Variants in TRABD2A observed in about 807,000 individuals in gnomAD.
TRABD2A encodes the protein TraB domain containing 2A, also known as metalloprotease TIKI1.
Under a neutral mutation model 45.6 loss-of-function variants are expected in TRABD2A, and 43 were observed. The observed-to-expected ratio is 0.94, with a 90% CI of 0.74 to 1.22. TRABD2A has a LOEUF of 1.22. Among genes scored for constraint, TRABD2A ranks in the 50% most tolerant of loss-of-function variants. TRABD2A has a pLI of 0.00. For synonymous variants in TRABD2A, 269 were observed against 265.0 expected (o/e 1.02, Z -0.15); for missense variants, 642 against 652.4 (o/e 0.98, Z 0.17).
chr2:84,843,325 A>G (rs193298625), intron 2 of TRABD2A, among the ~76,000 whole-genome samples: 7 of 152,202 alleles, frequency 4.6e-5, no homozygotes, highest in Non-Finnish European at 1.0e-4. Flanking sequence ...AAGATGTTTC[A>G]ACTCTCCAGA....
At chr2:84,847,171 C>T (rs1463607802) in intron 2 of TRABD2A, among the ~76,000 whole-genome samples, 2 of 152,210 alleles carry the variant, frequency 1.3e-5, no homozygotes, top group African/African-American at 4.8e-5. Flanking sequence ...TCTCCATGGG[C>T]ACCACAGGAG....
chr2:84,880,757 G>A (rs1683175968), intron 1 of TRABD2A, among the ~76,000 whole-genome samples, 175 bp downstream of exon 1: 1 of 152,226 alleles, frequency 6.6e-6, no homozygotes, highest in East Asian at 1.9e-4. Flanking sequence ...CCGCGGGAAA[G>A]GGGAACCCGA....
At chr2:84,840,185 A>ACTTC (rs1681660604) in intron 3 of TRABD2A, among the ~76,000 whole-genome samples, 1 of 152,210 alleles carries the variant, frequency 6.6e-6, no homozygotes, top group South Asian at 2.1e-4. Flanking sequence ...GACAGCATTA[A>ACTTC]CTTCCATCTT....
chr2:84,821,969 G>C lies in TRABD2A; in HGVS notation c.1466C>G (p.Pro489Arg). ...AGCCAGCACCAGCACCCAGAACACA[G>C]GAGTCCAGAGAGACAGGCAGGCACT... ...ASSACLSLWT[P>R]VFWVLVLAFQ... is the part of the protein sequence containing the mutation. Residue 489 changes from proline to arginine, a missense_variant, in exon 7 of 7, where the codon CCT becomes CGT. Physicochemically the swap from Pro to Arg is moderately radical, Grantham distance 103. Transcript: ENST00000409520. 6.2e-7 allele frequency: 1 copy of C among 1,605,690 alleles called. No individual in the cohort carries two copies. Among genetic ancestry groups the C allele is most frequent in the Non-Finnish European group, 8.5e-7 (1 of 1,176,240 alleles).
rs1271408755 is a variant in TRABD2A at position 84,830,981 on chromosome 2, G to C, written c.1082+1074C>G. The stretch of plus-strand genomic sequence containing the variant: ...CCAGGAGAGGGGGCTGCTGACCACA[G>C]ATCGGGAGGCAGTGGGGGCCAGAGG... On this transcript the variant is annotated intron_variant, in intron 5 of 6. Transcript: ENST00000409520. This position sits in a 1 kb window ranked among gnomAD's most constrained non-coding sequence, Gnocchi z 4.9. Among the ~76,000 whole-genome samples, 1 of 152,170 alleles carries C rather than the reference G, an allele frequency of 6.6e-6. No individual in the cohort carries two copies. The highest frequency in any genetic ancestry group is 1.5e-5 in the Non-Finnish European group (1 of 68,020).
At chr2:84,838,253 G>C (rs1369493602) in intron 4 of TRABD2A, 1 of 717,272 alleles carries the variant, frequency 1.4e-6, no homozygotes, top group Non-Finnish European at 2.6e-6. Context: ...TGGGAAAAGG[G>C]AGATAAAAAC....
intron 1 of TRABD2A, among the ~76,000 whole-genome samples, chr2:84,877,647 T>C (rs1489064644): frequency 6.6e-6 from 1 of 152,132 alleles, no homozygotes; most frequent in Admixed American, 6.5e-5. Flanking sequence ...CATGGGTGAC[T>C]GAGACACAGA....
chr2:84,856,323 T>A (rs1003787823), intron 2 of TRABD2A, among the ~76,000 whole-genome samples: 1 of 151,930 alleles, frequency 6.6e-6, no homozygotes, highest in Non-Finnish European at 1.5e-5. Context: ...CCTCCTCCCT[T>A]ACCTGAAAAG....
intron 1 of TRABD2A, among the ~76,000 whole-genome samples, chr2:84,875,633 G>C (rs1683002432): frequency 6.6e-6 from 1 of 152,212 alleles, no homozygotes; most frequent in South Asian, 2.1e-4. Flanking sequence ...ACACAAGTAG[G>C]TCAGTTAGGA....
chr2:84,840,285 T>C (rs952518295), intron 3 of TRABD2A, among the ~76,000 whole-genome samples: 1 of 152,204 alleles, frequency 6.6e-6, no homozygotes, highest in African/African-American at 2.4e-5. Context: ...CTGTCATCTT[T>C]TTTTTTAATC....
chr2:84,839,926 T>C (rs1458249023), intron 3 of TRABD2A, among the ~76,000 whole-genome samples: 1 of 152,180 alleles, frequency 6.6e-6, no homozygotes, highest in East Asian at 1.9e-4. Context: ...GCATCAAAAT[T>C]GTGACAATCA....
In TRABD2A at chr2:84,870,554, C is replaced by T. The variant is rs1388293888; in HGVS notation, c.340G>A (p.Val114Met). The change falls in exon 2 of 7, where the codon GTG becomes ATG. Residue 114 changes from valine to methionine, a missense_variant. Physicochemically the swap from Val to Met is conservative, Grantham distance 21. Coordinates refer to ENST00000409520, the MANE Select transcript of TRABD2A (RefSeq NM_001277053.2). ...CGGCAGTAGATGTCCCTGGGGAGCA[C>T]ATCTTGGAGGTTCTCGCCCTGTGGC... ...MLPQGENLQD[V>M]LPRDIYCRLK... is the part of the protein sequence containing the mutation. 6.2e-7 allele frequency: 1 copy of T among 1,613,916 alleles called. No individual in the cohort carries two copies. The highest frequency in any genetic ancestry group is 1.7e-5 in the Admixed American group (1 of 60,012).
chr2:84,830,340 G>T lies in TRABD2A; in HGVS notation c.1082+1715C>A, dbSNP rs1170462859. On this transcript the variant is annotated intron_variant, in intron 5 of 6. Transcript: ENST00000409520. The surrounding 1 kb of genome is among the most constrained non-coding windows in gnomAD (Gnocchi z 4.9). ...GAAGGGGGAAGTAGCGTCAGTAAAG[G>T]AGAGGCGGGGACGGGATGGAGGCTC... Among the ~76,000 whole-genome samples the T allele has an allele frequency of 2.0e-5, 3 of 152,190 alleles. No homozygotes were observed. In the South Asian group the frequency reaches 6.2e-4, roughly 32 times the overall value.
Position 84,858,763 on chromosome 2 carries a change from G to T in TRABD2A, c.669+11462C>A, listed in dbSNP as rs747172773. Among the ~76,000 whole-genome samples, 3 of 152,184 alleles carry T rather than the reference G, an allele frequency of 2.0e-5. 1 individual carries two copies. The South Asian group carries it at 6.2e-4, about 32-fold the overall frequency. ...GCTGCACCACACATGGTTCCATAGT[G>T]TAACAGTTATCATGTCTGCTTTACA... On this transcript the variant is annotated intron_variant, in intron 2 of 6. Transcript: ENST00000409520.
intron 5 of TRABD2A, among the ~76,000 whole-genome samples, chr2:84,829,382 AC>A (rs1559084070): frequency 8.1e-5 from 12 of 147,520 alleles, no homozygotes; most frequent in African/African-American, 2.5e-4. Context: ...ACACACACAC[AC>A]ACACACACAC....
intron 1 of TRABD2A, among the ~76,000 whole-genome samples, chr2:84,874,130 T>C (rs1479685617): frequency 6.6e-6 from 1 of 152,238 alleles, no homozygotes; most frequent in Non-Finnish European, 1.5e-5. Context: ...ATACCTGCAT[T>C]TCTCTTCAGA....
At chr2:84,869,538 CAA>C (rs960991795) in intron 2 of TRABD2A, among the ~76,000 whole-genome samples, 1 of 152,180 alleles carries the variant, frequency 6.6e-6, no homozygotes, top group Non-Finnish European at 1.5e-5. Flanking sequence ...GTAGTGACCT[CAA>C]AGAGACTGCT....
chr2:84,848,371 T>C (rs370386830), intron 2 of TRABD2A, among the ~76,000 whole-genome samples: 370 of 107,556 alleles, frequency 3.4e-3, no homozygotes, highest in African/African-American at 0.013. Context: ...GATAGATAGA[T>C]AGATAGACAG....
At chr2:84,850,686 T>G (rs1434119457) in intron 2 of TRABD2A, 1 of 152,228 alleles carries the variant, frequency 6.6e-6, no homozygotes, top group African/African-American at 2.4e-5. Flanking sequence ...CAGCTCCTGA[T>G]GGCCAAGCAG....
Sources: allele counts gnomAD v4.1 joint callset (sites outside exome capture counted in the v4.1 genomes callset), GRCh38; gene constraint gnomAD v4.1.1; non-coding constraint Gnocchi (gnomAD v3.1); transcripts MANE v1.5; gene names NCBI Gene and HGNC (gene_info 2026-07-23, HGNC 2026-07-21).